SLC18A2: variants seen among roughly 807,000 people sequenced by gnomAD.
The protein encoded by SLC18A2 is solute carrier family 18 member A2, also known as synaptic vesicular amine transporter.
A neutral mutation model predicts 59.2 loss-of-function variants in SLC18A2; 33 were observed. That is an observed-to-expected ratio of 0.56 (90% CI 0.42 to 0.75). The LOEUF (loss-of-function observed/expected upper bound fraction) is 0.75. Among genes scored for constraint, SLC18A2 ranks in the 30% least tolerant of loss-of-function variants. The pLI, the probability that SLC18A2 is intolerant of heterozygous loss-of-function variation, is 0.00. For synonymous variants in SLC18A2, 228 were observed against 253.5 expected (o/e 0.90, Z 0.95); for missense variants, 569 against 668.6 (o/e 0.85, Z 1.64).
chr10:117,276,825 G>A (rs975489671), intron 15 of SLC18A2, among the ~76,000 whole-genome samples: 6 of 151,966 alleles, frequency 3.9e-5, no homozygotes, highest in Admixed American at 2.6e-4. Flanking sequence ...TGACCTCCAG[G>A]ATCCCCATAC....
At position 117,241,714 on chromosome 10, in the gene SLC18A2, G is replaced by C. The variant is rs1348932290; in HGVS notation, c.21G>C (p.Ala7=). Residue 7 remains alanine (A), a synonymous_variant, in exon 2 of 16, where the codon GCG becomes GCC. Coordinates refer to ENST00000644641, the MANE Select transcript of SLC18A2 (RefSeq NM_003054.6). Reference sequence around the variant, plus strand: ...GAGCCATGGCCCTGAGCGAGCTGGCGCTGGTCCGCTGGCTGCAGGAGAGCC... The same window carrying C: ...GAGCCATGGCCCTGAGCGAGCTGGCCCTGGTCCGCTGGCTGCAGGAGAGCC... MALSEL[A]LVRWLQESRR... 1.2e-6 allele frequency: 2 copies of C among 1,602,576 alleles called. No individual in the cohort carries two copies. Among genetic ancestry groups the C allele is most frequent in the Non-Finnish European group, 1.7e-6 (2 of 1,175,938 alleles).
intron 15 of SLC18A2, 146 bp from the exon 16 acceptor site, chr10:117,277,016 G>A (rs1844506269): frequency 1.9e-6 from 1 of 514,564 alleles, no homozygotes; most frequent in Non-Finnish European, 3.4e-6. Flanking sequence ...TTTAGGTCAG[G>A]CGTCTGGCGA....
At chr10:117,261,773 G>A (rs1340818383) in intron 10 of SLC18A2, among the ~76,000 whole-genome samples, 1 of 152,218 alleles carries the variant, frequency 6.6e-6, no homozygotes, top group Non-Finnish European at 1.5e-5. Context: ...GAGGGGGTAA[G>A]GATGGAGAGA....
In SLC18A2 at chr10:117,266,803, A is replaced by G. The variant is rs769097562; in HGVS notation, c.1062A>G (p.Lys354=). The G allele has an allele frequency of 1.2e-6, 2 of 1,613,024 alleles. No individual in the cohort carries two copies. The highest frequency in any genetic ancestry group is 1.1e-5 in the South Asian group (1 of 91,046). ...GTNIFGILAH[K]MGRWLCALLG... The stretch of plus-strand genomic sequence containing the variant: ...ATATTTTTGGGATACTTGCACACAA[A>G]ATGGGGAGGTAAGATGATATGAAAA... Residue 354 remains lysine, a synonymous_variant, in exon 11 of 16, where the codon AAA becomes AAG. Coordinates refer to ENST00000644641, the MANE Select transcript of SLC18A2 (RefSeq NM_003054.6).
At chr10:117,275,504 C>T (rs1844476687) in intron 15 of SLC18A2, among the ~76,000 whole-genome samples, 1 of 152,202 alleles carries the variant, frequency 6.6e-6, no homozygotes, top group South Asian at 2.1e-4. Flanking sequence ...TCAAGACATA[C>T]CTGATAATTC....
chr10:117,268,904 G>C (rs1230260258), intron 13 of SLC18A2, among the ~76,000 whole-genome samples: 1 of 149,984 alleles, frequency 6.7e-6, no homozygotes, highest in African/African-American at 2.4e-5. Flanking sequence ...TGTGTTGTGT[G>C]TATGTGTGTG....
chr10:117,268,906 ATGTG>A (rs1445110025), intron 13 of SLC18A2, among the ~76,000 whole-genome samples: 1 of 149,472 alleles, frequency 6.7e-6, no homozygotes, highest in South Asian at 2.1e-4. Context: ...TGTTGTGTGT[ATGTG>A]TGTGAACTAA....
rs915348848 is a variant in SLC18A2 at position 117,244,293 on chromosome 10, C to G, written c.444C>G (p.Phe148Leu). Residue 148 changes from phenylalanine (F) to leucine (L), a missense_variant, in exon 3 of 16, where the codon TTC becomes TTG. Phe to Leu is a conservative substitution (Grantham distance 22). Coordinates refer to ENST00000644641, the MANE Select transcript of SLC18A2 (RefSeq NM_003054.6). ...CCGTCCAGCTCATCACCAACCCTTTCATAGGACTACTGACCAACAGGTAGG... is the reference window on the plus strand; with the variant it reads ...CCGTCCAGCTCATCACCAACCCTTTGATAGGACTACTGACCAACAGGTAGG... ...KATVQLITNPFIGLLTNRIGY... is the reference protein window; with the variant it reads ...KATVQLITNPLIGLLTNRIGY... 1 of 1,613,858 alleles carries G rather than the reference C, an allele frequency of 6.2e-7. No individual in the cohort carries two copies. Among genetic ancestry groups the G allele is most frequent in the South Asian group, 1.1e-5 (1 of 91,056 alleles).
At chr10:117,247,471 C>T (rs955276714) in intron 3 of SLC18A2, among the ~76,000 whole-genome samples, 5 of 152,172 alleles carry the variant, frequency 3.3e-5, no homozygotes, top group South Asian at 2.1e-4. Context: ...TGTTCTTCCC[C>T]GCTTCCTGTT....
intron 9 of SLC18A2, among the ~76,000 whole-genome samples, chr10:117,257,460 C>T (rs1355051971): frequency 6.6e-6 from 1 of 152,110 alleles, no homozygotes; most frequent in African/African-American, 2.4e-5. Flanking sequence ...GGCCTGATTG[C>T]TGGGTGGCCC....
At chr10:117,253,354 A>T in intron 3 of SLC18A2, 45 bp from the exon 4 acceptor site, 1 of 1,447,132 alleles carries the variant, frequency 6.9e-7, no homozygotes, top group Non-Finnish European at 9.7e-7. Flanking sequence ...GCCTTAAAAA[A>T]ATAGCCTGCA....
intron 7 of SLC18A2, 30 bp from the exon 8 acceptor site, chr10:117,255,449 G>A: frequency 6.2e-7 from 1 of 1,614,060 alleles, no homozygotes; most frequent in Non-Finnish European, 8.5e-7. Flanking sequence ...TTCTGAAGAG[G>A]GGCTTGTCTT....
intron 15 of SLC18A2, among the ~76,000 whole-genome samples, chr10:117,275,533 G>A (rs917591037): frequency 2.0e-5 from 3 of 152,102 alleles, no homozygotes; most frequent in East Asian, 1.9e-4. Flanking sequence ...TGCACATGAC[G>A]CCCCCTTGCC....
At chr10:117,243,889 A>G (rs2133725621) in intron 2 of SLC18A2, 82 bp from the exon 3 acceptor site, 4 of 1,164,344 alleles carry the variant, frequency 3.4e-6, no homozygotes, top group Non-Finnish European at 4.8e-6. Context: ...CCCTGCCGAC[A>G]CAACCATAGT....
rs148603702 is a variant in SLC18A2, at chr10:117,260,952, C to T, written c.991+3060C>T. The stretch of plus-strand genomic sequence containing the variant: ...GCTGTTTCCTTAACTCTAAACATCT[C>T]ATGACTATGGGTCGTGACTGGCAAG... On this transcript the variant is annotated intron_variant, in intron 10 of 15. Coordinates refer to ENST00000644641, the MANE Select transcript of SLC18A2 (RefSeq NM_003054.6). Among the ~76,000 whole-genome samples, 10 of 152,346 alleles carry T rather than the reference C, an allele frequency of 6.6e-5. No homozygotes were observed. In the East Asian group the frequency reaches 1.9e-3, roughly 29 times the overall value.
chr10:117,255,238 G>A, intron 6 of SLC18A2, 39 bp from the exon 7 acceptor site: 1 of 1,561,068 alleles, frequency 6.4e-7, no homozygotes, highest in Non-Finnish European at 8.8e-7. Flanking sequence ...GAGAGGGCAT[G>A]TGTCCCAGGG....
chr10:117,249,828 G>A (rs1324663552), intron 3 of SLC18A2, among the ~76,000 whole-genome samples: 11 of 101,914 alleles, frequency 1.1e-4, no homozygotes, highest in Admixed American at 4.1e-4. Context: ...GTGATTTTTA[G>A]TCTTACTCAA....
At chr10:117,254,175 A>G (rs1429156671) in intron 5 of SLC18A2, 44 bp downstream of exon 5, 18 of 1,579,614 alleles carry the variant, frequency 1.1e-5, no homozygotes, top group Admixed American at 5.0e-5. Flanking sequence ...GGCCCCTTGC[A>G]GAGTGAGCTG....
chr10:117,253,549 C>T (rs950228136), intron 4 of SLC18A2, 92 bp downstream of exon 4: 95 of 53,782 alleles, frequency 1.8e-3, no homozygotes, highest in Middle Eastern at 6.8e-3. Flanking sequence ...AACCTAAGGA[C>T]GGCGGGGGGG....
Sources: gnomAD v4.1 joint callset for allele counts (sites outside exome capture counted in the v4.1 genomes callset) on GRCh38, gnomAD v4.1.1 for gene constraint, MANE v1.5 for transcripts, NCBI Gene and HGNC (gene_info 2026-07-23, HGNC 2026-07-21) for gene names.